VSTM4: variants seen among roughly 807,000 people sequenced by gnomAD.
VSTM4 encodes the protein V-set and transmembrane domain-containing protein 4.
In VSTM4, 20 loss-of-function variants were observed where a neutral mutation model predicts 36.4. That is an observed-to-expected ratio of 0.55 (90% confidence interval 0.39 to 0.80). The LOEUF (loss-of-function observed/expected upper bound fraction) is 0.80. VSTM4 is among the 30% of genes least tolerant of loss of function. The pLI is 0.00. For missense variants in VSTM4, 392 were observed against 404.5 expected (o/e 0.97, Z 0.26); for synonymous variants, 182 against 173.9 (o/e 1.05, Z -0.37).
At chr10:49,106,626 T>C (rs1226519960) in intron 2 of VSTM4, among the ~76,000 whole-genome samples, 2 of 152,246 alleles carry the variant, frequency 1.3e-5, no homozygotes, top group Non-Finnish European at 2.9e-5. Flanking sequence ...GCAACCAGCC[T>C]GCCCTGCTCC....
At chr10:49,090,097 A>G (rs1166814083) in intron 2 of VSTM4, among the ~76,000 whole-genome samples, 1 of 152,252 alleles carries the variant, frequency 6.6e-6, no homozygotes, top group Non-Finnish European at 1.5e-5. Context: ...CTAAGGAACA[A>G]GTGGCAAATG....
intron 2 of VSTM4, among the ~76,000 whole-genome samples, chr10:49,104,770 TAGAG>T (rs1844734390): frequency 1.4e-5 from 2 of 143,960 alleles, no homozygotes; most frequent in South Asian, 2.3e-4. Context: ...CACAGAGAGA[TAGAG>T]AGATACAGAG....
chr10:49,063,552 T>C (rs1169802093), intron 5 of VSTM4, among the ~76,000 whole-genome samples: 2 of 152,236 alleles, frequency 1.3e-5, no homozygotes, highest in South Asian at 2.1e-4. Context: ...TATCATGTAA[T>C]CTTGGTCTGC....
intron 7 of VSTM4, 104 bp from the exon 8 acceptor site, chr10:49,019,879 C>T: frequency 7.0e-7 from 1 of 1,435,356 alleles, no homozygotes; most frequent in Non-Finnish European, 9.2e-7. Context: ...TTTTGGGATT[C>T]AGCGAGGGAT....
At position 49,048,492 on chromosome 10, in the gene VSTM4, G is replaced by A. The variant is rs201682050; in HGVS notation, c.761C>T (p.Ala254Val). 8.8e-6 allele frequency: 14 copies of A among 1,594,246 alleles called. No individual in the cohort carries two copies. Among genetic ancestry groups the A allele is most frequent in the African/African-American group, 1.4e-5 (1 of 73,552 alleles). ...CAGCTCCTTACCTTTGGCAGGGACTGCGGGAGGAATGTCAGGCTTCTCCTT... is the reference window on the plus strand; with the variant it reads ...CAGCTCCTTACCTTTGGCAGGGACTACGGGAGGAATGTCAGGCTTCTCCTT... ...RQKEKPDIPP[A>V]VPAKAPIAPT... The change falls in exon 6 of 8, where the codon GCA (alanine) becomes GTA (valine). Residue 254 changes from alanine to valine, a missense_variant. Transcript: ENST00000332853.
At chr10:49,041,457 G>A (rs1843520317) in intron 7 of VSTM4, among the ~76,000 whole-genome samples, 1 of 152,088 alleles carries the variant, frequency 6.6e-6, no homozygotes, top group Admixed American at 6.6e-5. Flanking sequence ...TCAATTATCT[G>A]TGAAAATTGA....
At chr10:49,025,740 A>T (rs192343077) in intron 7 of VSTM4, among the ~76,000 whole-genome samples, 1 of 152,226 alleles carries the variant, frequency 6.6e-6, no homozygotes, top group Non-Finnish European at 1.5e-5. Context: ...CTGGCTACCA[A>T]GTGACCGGCA....
At chr10:49,057,666 A>T (rs537137370) in intron 5 of VSTM4, among the ~76,000 whole-genome samples, 1 of 152,260 alleles carries the variant, frequency 6.6e-6, no homozygotes, top group South Asian at 2.1e-4. Context: ...GAGTGCTTGG[A>T]TGCGGTGGGG....
At chr10:49,063,220 A>T (rs1843913375) in intron 5 of VSTM4, among the ~76,000 whole-genome samples, 1 of 152,104 alleles carries the variant, frequency 6.6e-6, no homozygotes, top group South Asian at 2.1e-4. Flanking sequence ...GGTGCCTGTA[A>T]TCCCAGCTAC....
At chr10:49,068,330 T>C (rs919512602) in intron 4 of VSTM4, among the ~76,000 whole-genome samples, 1 of 151,970 alleles carries the variant, frequency 6.6e-6, no homozygotes, top group Non-Finnish European at 1.5e-5. Flanking sequence ...GTGCTCGAGG[T>C]AGCAAGGTGA....
In VSTM4 at chr10:49,042,700, T is replaced by C. The variant is rs74750101; in HGVS notation, c.837+4283A>G. Reference sequence around the variant, plus strand: ...TACTCAACAGGGAGGGTGTGCAGAATCATAAACAAATATCCATTGCGCTAA... The same window carrying C: ...TACTCAACAGGGAGGGTGTGCAGAACCATAAACAAATATCCATTGCGCTAA... On this transcript the variant is annotated intron_variant, in intron 7 of 7. Coordinates refer to ENST00000332853, the MANE Select transcript of VSTM4 (RefSeq NM_001031746.5). Among the ~76,000 whole-genome samples, 120 of 152,300 alleles carry C rather than the reference T, an allele frequency of 7.9e-4. No homozygotes were observed. The East Asian group carries it at 0.02, about 25-fold the overall frequency.
At chr10:49,032,458 T>C (rs1413580916) in intron 7 of VSTM4, among the ~76,000 whole-genome samples, 1 of 152,262 alleles carries the variant, frequency 6.6e-6, no homozygotes, top group Admixed American at 6.5e-5. Flanking sequence ...TTTTCATGTG[T>C]GACTACCCTT....
chr10:49,026,892 C>A (rs1843270476), intron 7 of VSTM4, among the ~76,000 whole-genome samples: 1 of 152,198 alleles, frequency 6.6e-6, no homozygotes, highest in Non-Finnish European at 1.5e-5. Flanking sequence ...AAGCCTTACA[C>A]TACGGATGCA....
At chr10:49,036,853 C>G (rs1162264482) in intron 7 of VSTM4, among the ~76,000 whole-genome samples, 12 of 152,248 alleles carry the variant, frequency 7.9e-5, no homozygotes, top group Admixed American at 7.9e-4. Context: ...GTTCCTACGG[C>G]AGGGTCCCTC....
chr10:49,066,616 C>T (rs931701587), intron 4 of VSTM4, among the ~76,000 whole-genome samples: 1 of 152,094 alleles, frequency 6.6e-6, no homozygotes, highest in Non-Finnish European at 1.5e-5. Flanking sequence ...CTAAAAAATT[C>T]ATACCAGGGT....
At chr10:49,043,832 C>G (rs1231341088) in intron 7 of VSTM4, among the ~76,000 whole-genome samples, 2 of 152,186 alleles carry the variant, frequency 1.3e-5, no homozygotes, top group Non-Finnish European at 2.9e-5. Flanking sequence ...TTTTAACTAT[C>G]CTGGTGGAGG....
In VSTM4 at chr10:49,066,241, T is replaced by C. The variant is rs74648293; in HGVS notation, c.635-1505A>G. ...CTATTCATAAAATCAAAGCACACCA[T>C]CCTGGAGACCTGTCCCAGATTGAAA... is the stretch of plus-strand genomic sequence containing the variant. On this transcript the variant is annotated intron_variant, in intron 4 of 7. Transcript: ENST00000332853. Among the ~76,000 whole-genome samples the C allele has an allele frequency of 1.7e-3, 252 of 152,232 alleles. 2 individuals carry two copies. In the East Asian group the frequency reaches 0.021, roughly 13 times the overall value.
chr10:49,098,224 C>A (rs570510008), intron 2 of VSTM4, among the ~76,000 whole-genome samples: 15 of 152,240 alleles, frequency 9.9e-5, no homozygotes, highest in African/African-American at 3.6e-4. Flanking sequence ...CAGGCCTCAG[C>A]CTTCCTCACC....
intron 6 of VSTM4, among the ~76,000 whole-genome samples, chr10:49,047,491 T>C (rs1843630919): frequency 2.0e-5 from 3 of 152,172 alleles, no homozygotes. Context: ...CTTCCCACGG[T>C]GTCATGTCAC....
Sources: gnomAD v4.1 joint callset for allele counts (sites outside exome capture counted in the v4.1 genomes callset) on GRCh38, gnomAD v4.1.1 for gene constraint, MANE v1.5 for transcripts, NCBI Gene and HGNC (gene_info 2026-07-23, HGNC 2026-07-21) for gene names.